CNBD1: variants seen among roughly 807,000 people sequenced by gnomAD.
CNBD1 encodes cyclic nucleotide-binding domain-containing protein 1.
CNBD1 carries 71 observed loss-of-function variants against 54.4 expected under a neutral mutation model. The ratio of observed to expected loss-of-function variants is 1.30; its 90% CI spans 1.08 to 1.59. CNBD1 has a LOEUF of 1.59. Ranked by LOEUF, CNBD1 falls within the 40% of genes most tolerant of loss-of-function variation. CNBD1 has a pLI of 0.00. For synonymous variants in CNBD1, 182 were observed against 170.7 expected, an observed-to-expected ratio of 1.07 and a Z score of -0.51; for missense variants, 659 against 518.0, an observed-to-expected ratio of 1.27 and a Z score of -2.64.
At chr8:86,994,951 T>C (rs888831618) in intron 4 of CNBD1, among the ~76,000 whole-genome samples, 1 of 152,226 alleles carries the variant, frequency 6.6e-6, no homozygotes, top group South Asian at 2.1e-4. Context: ...AGAGGCCTTT[T>C]TGGGGCTGTG....
intron 10 of CNBD1, among the ~76,000 whole-genome samples, chr8:87,366,791 A>G (rs1052617955): frequency 6.6e-6 from 1 of 152,076 alleles, no homozygotes; most frequent in African/African-American, 2.4e-5. Flanking sequence ...GCTATGAGGC[A>G]GCATGGGGTA....
At chr8:86,934,568 G>T (rs1413133447) in intron 3 of CNBD1, among the ~76,000 whole-genome samples, 5 of 152,098 alleles carry the variant, frequency 3.3e-5, no homozygotes, top group African/African-American at 7.2e-5. Flanking sequence ...CTGATTCCAG[G>T]GGCAAAGTTT....
intron 4 of CNBD1, among the ~76,000 whole-genome samples, chr8:86,963,962 T>C (rs1453518297): frequency 1.3e-5 from 2 of 152,170 alleles, no homozygotes; most frequent in Non-Finnish European, 2.9e-5. Flanking sequence ...ACAGGTGCAT[T>C]GTGAGGACTC....
intron 4 of CNBD1, among the ~76,000 whole-genome samples, chr8:87,104,213 TAGCAAGTTTAAAA>T (rs972183755): frequency 8.4e-4 from 128 of 152,330 alleles, no homozygotes; most frequent in African/African-American, 2.9e-3. Context: ...CTGGAGGTCC[TAGCAAGTTTAAAA>T]GGCAAGTTTA....
chr8:87,127,936 C>T (rs1195140295), intron 4 of CNBD1, among the ~76,000 whole-genome samples: 2 of 152,102 alleles, frequency 1.3e-5, no homozygotes, highest in African/African-American at 2.4e-5. Context: ...CCCGCCTATC[C>T]TGTACCCATA....
At chr8:87,041,180 T>A (rs1370355364) in intron 4 of CNBD1, among the ~76,000 whole-genome samples, 1 of 152,076 alleles carries the variant, frequency 6.6e-6, no homozygotes. Context: ...AGAACTACTA[T>A]GAAGCCAGAT....
chr8:86,936,489 C>G (rs1284948775), intron 3 of CNBD1, among the ~76,000 whole-genome samples: 1 of 151,986 alleles, frequency 6.6e-6, no homozygotes, highest in Admixed American at 6.6e-5. Context: ...ACCTGTAATC[C>G]CAGCACTTTG....
At chr8:86,983,369 A>G (rs1222449955) in intron 4 of CNBD1, among the ~76,000 whole-genome samples, 1 of 152,158 alleles carries the variant, frequency 6.6e-6, no homozygotes, top group East Asian at 1.9e-4. Flanking sequence ...ATATGTCTTT[A>G]TCAGCAGCAT....
chr8:87,397,264 G>A (rs1282661609), intron 2 of CNBD1, among the ~76,000 whole-genome samples: 1 of 151,810 alleles, frequency 6.6e-6, no homozygotes, highest in Non-Finnish European at 1.5e-5. Context: ...TAGGAGAAAG[G>A]AACAGCCTCC....
chr8:86,962,333 C>T (rs1457612211), intron 4 of CNBD1, among the ~76,000 whole-genome samples: 2 of 152,198 alleles, frequency 1.3e-5, no homozygotes, highest in Non-Finnish European at 2.9e-5. Context: ...TGGACATCTA[C>T]TTTTAAATAA....
intron 5 of CNBD1, among the ~76,000 whole-genome samples, chr8:87,228,801 T>C (rs1814582008): frequency 6.6e-6 from 1 of 152,186 alleles, no homozygotes; most frequent in African/African-American, 2.4e-5. Context: ...GTTGTTTACC[T>C]AATCAAGCCT....
intron 4 of CNBD1, among the ~76,000 whole-genome samples, chr8:86,988,186 A>G (rs1050703137): frequency 2.1e-5 from 3 of 145,670 alleles, no homozygotes; most frequent in Non-Finnish European, 4.5e-5. Flanking sequence ...TTTGAAATTC[A>G]CTATTGGTCT....
chr8:87,038,599 A>G (rs1486926220), intron 4 of CNBD1, among the ~76,000 whole-genome samples: 3 of 152,188 alleles, frequency 2.0e-5, no homozygotes, highest in Non-Finnish European at 4.4e-5. Flanking sequence ...GGAGTTACAA[A>G]TCTTGCAACC....
At chr8:87,076,126 T>G (rs2130658443) in intron 4 of CNBD1, among the ~76,000 whole-genome samples, 1 of 152,298 alleles carries the variant, frequency 6.6e-6, no homozygotes, top group South Asian at 2.1e-4. Context: ...ATTTACCACC[T>G]ATATAAGAAA....
downstream of CNBD1, among the ~76,000 whole-genome samples, chr8:87,384,471 G>C (rs1811145724): frequency 6.6e-6 from 1 of 152,086 alleles, no homozygotes; most frequent in Non-Finnish European, 1.5e-5. Context: ...AATTAAAGTT[G>C]ATGGAGAAAT....
intron 4 of CNBD1, among the ~76,000 whole-genome samples, chr8:87,036,573 G>A (rs556378105): frequency 4.2e-5 from 5 of 120,466 alleles, no homozygotes; most frequent in South Asian, 2.7e-4. Context: ...CAGCCTGGGC[G>A]ACAGAGCGAG....
chr8:86,872,062 C>T (rs905549891), intron 1 of CNBD1, among the ~76,000 whole-genome samples: 2 of 152,214 alleles, frequency 1.3e-5, no homozygotes, highest in Non-Finnish European at 2.9e-5. Context: ...TGCAAGTCAT[C>T]AATCCAAGAT....
At chr8:87,262,611 TC>T (rs1808165056) in intron 6 of CNBD1, among the ~76,000 whole-genome samples, 1 of 152,184 alleles carries the variant, frequency 6.6e-6, no homozygotes, top group Non-Finnish European at 1.5e-5. Context: ...ACATCAGTGC[TC>T]CTGGTTCTGT....
intron 8 of CNBD1, among the ~76,000 whole-genome samples, chr8:87,334,854 G>A (rs1037477296): frequency 5.3e-5 from 8 of 151,826 alleles, no homozygotes; most frequent in African/African-American, 1.2e-4. Context: ...CTCCAGAGCC[G>A]CTGGGACTAC....
Sources: allele counts gnomAD v4.1 joint callset (sites outside exome capture counted in the v4.1 genomes callset), GRCh38; gene constraint gnomAD v4.1.1; transcripts MANE v1.5; gene names NCBI Gene and HGNC (gene_info 2026-07-23, HGNC 2026-07-21).